ZFPM2: variants seen among roughly 807,000 people sequenced by gnomAD.
ZFPM2 encodes zinc finger protein, FOG family member 2.
A neutral mutation model predicts 98.6 loss-of-function variants in ZFPM2; 20 were observed. The ratio of observed to expected loss-of-function variants is 0.20; its 90% CI spans 0.14 to 0.29. The LOEUF (loss-of-function observed/expected upper bound fraction) is 0.29. ZFPM2 is among the 10% of genes least tolerant of loss of function. ZFPM2 has a pLI of 1.00. For synonymous variants in ZFPM2, 518 were observed against 502.7 expected (o/e 1.03, Z -0.41); for missense variants, 1,310 against 1,388.6 (o/e 0.94, Z 0.90).
intron 4 of ZFPM2, among the ~76,000 whole-genome samples, chr8:105,571,594 AT>A (rs1351979093): frequency 6.6e-6 from 1 of 152,194 alleles, no homozygotes; most frequent in East Asian, 1.9e-4. Flanking sequence ...TTTCAAAACA[AT>A]TAGTTTGGCA....
rs538796316 is a variant in ZFPM2 at position 105,617,181 on chromosome 8, T to A, written c.421-17065T>A. On this transcript the variant is annotated intron_variant, in intron 4 of 7. Transcript: ENST00000407775. The stretch of plus-strand genomic sequence containing the variant: ...CATGTTCATCACATTCTGGAAGCAT[T>A]TTGTGAGTATGCCATAAACAATACT... Among the ~76,000 whole-genome samples the A allele has an allele frequency of 3.3e-5, 5 of 152,168 alleles. No homozygotes were observed. In the South Asian group the frequency reaches 1.0e-3, roughly 32 times the overall value.
rs1472897701 is a variant in ZFPM2, at chr8:105,658,550, C to G, written c.532+24193C>G. Among the ~76,000 whole-genome samples the G allele has an allele frequency of 1.7e-5, 2 of 114,530 alleles. 1 individual carries two copies. The highest frequency in any genetic ancestry group is 6.6e-5 in the African/African-American group (2 of 30,304). 75.1% of individuals were successfully genotyped at this position (114,530 alleles called of 152,430 possible). On this transcript the variant is annotated intron_variant, in intron 5 of 7. Transcript: ENST00000407775. The stretch of plus-strand genomic sequence containing the variant: ...CCTGCAGTGAGCCGAGATTGCGCCA[C>G]TGCACTCCAGCCTGGGCGACAGCGA...
chr8:105,549,231 A>G (rs547270226), intron 3 of ZFPM2, among the ~76,000 whole-genome samples: 67 of 152,274 alleles, frequency 4.4e-4, no homozygotes, highest in African/African-American at 1.5e-3. Context: ...GAGAGAAAGG[A>G]GAGGAGAAGA....
rs1448468136 is a variant in ZFPM2, at chr8:105,802,610, C to T, written c.2528C>T (p.Thr843Met). The change falls in exon 8 of 8, where the codon ACG becomes ATG. Residue 843 changes from threonine to methionine, a missense_variant. Physicochemically the swap from Thr to Met is moderately conservative, Grantham distance 81. Transcript: ENST00000407775. ...AAGTGTTTATCTCAGTCTGAGCGGA[C>T]GACCACGTCTCCCAAAAGGCTGCTG... is the stretch of plus-strand genomic sequence containing the variant. ...SKKCLSQSER[T>M]TTSPKRLLDY... 3.7e-6 allele frequency: 6 copies of T among 1,610,416 alleles called. No individual in the cohort carries two copies. The highest frequency in any genetic ancestry group is 1.7e-4 in the Middle Eastern group (1 of 6,058).
chr8:105,482,494 A>G (rs1306854600), intron 3 of ZFPM2, among the ~76,000 whole-genome samples: 2 of 152,044 alleles, frequency 1.3e-5, no homozygotes, highest in African/African-American at 4.8e-5. Context: ...TACATTTTTT[A>G]ATTCTTTTTC....
chr8:105,503,751 G>A (rs1392946930), intron 3 of ZFPM2, among the ~76,000 whole-genome samples: 2 of 152,166 alleles, frequency 1.3e-5, no homozygotes, highest in African/African-American at 4.8e-5. Context: ...TACTCACATT[G>A]ATAAAGTCTT....
At chr8:105,694,544 A>G (rs1409671341) in intron 5 of ZFPM2, among the ~76,000 whole-genome samples, 1 of 152,150 alleles carries the variant, frequency 6.6e-6, no homozygotes, top group Non-Finnish European at 1.5e-5. Context: ...CTTTATGAAT[A>G]TTGTCTAAAA....
chr8:105,671,785 T>A (rs1473260322), intron 5 of ZFPM2, among the ~76,000 whole-genome samples: 1 of 152,156 alleles, frequency 6.6e-6, no homozygotes, highest in African/African-American at 2.4e-5. Flanking sequence ...GACAATTTTC[T>A]AAGCATTTTA....
chr8:105,598,462 G>C (rs1586489529), intron 4 of ZFPM2, among the ~76,000 whole-genome samples: 1 of 152,162 alleles, frequency 6.6e-6, no homozygotes, highest in Admixed American at 6.6e-5. Context: ...CCATCTCTTA[G>C]CTTTGCTTCA....
chr8:105,393,530 C>A (rs1206018333), intron 1 of ZFPM2, among the ~76,000 whole-genome samples: 1 of 152,086 alleles, frequency 6.6e-6, no homozygotes, highest in African/African-American at 2.4e-5. Context: ...AAACTCTTTT[C>A]AGAGCTTGGC....
chr8:105,682,430 A>G (rs549865226), intron 5 of ZFPM2, among the ~76,000 whole-genome samples: 180 of 152,312 alleles, frequency 1.2e-3, no homozygotes, highest in African/African-American at 4.2e-3. Context: ...CATTTGAACT[A>G]TGAGATTTTA....
chr8:105,658,586 CAA>C (rs773181953), intron 5 of ZFPM2, among the ~76,000 whole-genome samples: 18 of 7,900 alleles, frequency 2.3e-3, no homozygotes, highest in African/African-American at 9.2e-3. Context: ...GACTCCGTCT[CAA>C]AAAAAAAAAA....
chr8:105,721,176 T>G (rs1460846710), intron 5 of ZFPM2, among the ~76,000 whole-genome samples: 2 of 151,782 alleles, frequency 1.3e-5, no homozygotes, highest in African/African-American at 4.8e-5. Flanking sequence ...ATCCCACAGA[T>G]GGGAAATGTC....
At chr8:105,511,984 A>C (rs921197070) in intron 3 of ZFPM2, among the ~76,000 whole-genome samples, 1 of 152,240 alleles carries the variant, frequency 6.6e-6, no homozygotes, top group Middle Eastern at 3.4e-3. Flanking sequence ...CATCTCTACT[A>C]AAAATACAAA....
chr8:105,464,739 A>G (rs1298825213), intron 3 of ZFPM2, among the ~76,000 whole-genome samples: 1 of 151,776 alleles, frequency 6.6e-6, no homozygotes, highest in Non-Finnish European at 1.5e-5. Context: ...AGCTGTTAAC[A>G]TGAAGTATCT....
At chr8:105,798,562 G>A (rs80068595) in intron 6 of ZFPM2, 162 bp from the exon 7 acceptor site, 35,326 of 577,280 alleles carry the variant, frequency 0.061, 1,319 homozygotes, top group Admixed American at 0.092. Context: ...TTTAAAAGTC[G>A]AGTCCTATGC....
chr8:105,705,725 G>A (rs1346719929), intron 5 of ZFPM2, among the ~76,000 whole-genome samples: 3 of 152,136 alleles, frequency 2.0e-5, no homozygotes, highest in Non-Finnish European at 4.4e-5. Flanking sequence ...GTTACCCTGG[G>A]TGAAAATGGA....
At chr8:105,550,921 G>T (rs188395312) in intron 3 of ZFPM2, among the ~76,000 whole-genome samples, 1 of 152,280 alleles carries the variant, frequency 6.6e-6, no homozygotes, top group East Asian at 1.9e-4. Context: ...TCAGTTATGT[G>T]TAACTTAAGA....
At chr8:105,409,661 T>A (rs1268315451) in intron 1 of ZFPM2, among the ~76,000 whole-genome samples, 2 of 151,930 alleles carry the variant, frequency 1.3e-5, no homozygotes, top group Non-Finnish European at 2.9e-5. Context: ...GTAATAAATA[T>A]AATTTATACT....
Sources: gnomAD v4.1 joint callset for allele counts (sites outside exome capture counted in the v4.1 genomes callset) on GRCh38, gnomAD v4.1.1 for gene constraint, MANE v1.5 for transcripts, NCBI Gene and HGNC (gene_info 2026-07-23, HGNC 2026-07-21) for gene names.